HR: variants seen among roughly 807,000 people sequenced by gnomAD.
HR encodes the protein HR lysine demethylase and nuclear receptor corepressor.
Under a neutral mutation model 128.6 loss-of-function variants are expected in HR, and 83 were observed. The ratio of observed to expected loss-of-function variants is 0.65; its 90% CI spans 0.54 to 0.77. The LOEUF is 0.77. HR is among the 30% of genes least tolerant of loss of function. The pLI is 0.00. For missense variants in HR, 1,490 were observed against 1,574.6 expected (o/e 0.95, Z 0.91); for synonymous variants, 681 against 658.2 (o/e 1.03, Z -0.53).
Position 22,116,824 on chromosome 8 carries a change from C to T in HR, c.3378+51G>A, listed in dbSNP as rs767572294. ...TGGATGCCTGCGGCCTTGATTGGGT[C>T]GCTTCTGCCATCCTGATCTCCCCGC... is the stretch of plus-strand genomic sequence containing the variant. On this transcript the variant is annotated intron_variant, in intron 17 of 18. Transcript: ENST00000381418. This position sits in a 1 kb window ranked among gnomAD's most constrained non-coding sequence, Gnocchi z 4.2. 21 of 1,543,552 alleles carry T rather than the reference C, an allele frequency of 1.4e-5. 1 individual carries two copies. The Middle Eastern group carries it at 1.1e-3, about 84-fold the overall frequency.
intron 7 of HR, 34 bp downstream of exon 7, chr8:22,122,756 C>A (rs1345622167): frequency 1.3e-6 from 2 of 1,542,618 alleles, no homozygotes; most frequent in Non-Finnish European, 1.8e-6. Context: ...CAGGACCCAA[C>A]CTCTGCACGC....
In HR at chr8:22,116,771, GC is replaced by G; in HGVS notation, c.3378+103del. The G allele has an allele frequency of 1.4e-6, 2 of 1,449,176 alleles. No homozygotes were observed. The highest frequency in any genetic ancestry group is 2.5e-5 in the East Asian group (1 of 40,492). 89.8% of individuals were successfully genotyped at this position (1,449,176 alleles called of 1,614,324 possible). On this transcript the variant is annotated intron_variant, in intron 17 of 18. Coordinates refer to ENST00000381418, the MANE Select transcript of HR (RefSeq NM_005144.5). This position sits in a 1 kb window ranked among gnomAD's most constrained non-coding sequence, Gnocchi z 4.2. ...ACAGCAGCGTGCGGCTCCCTGCCCT[GC>G]CCGGCTCTTGGGTATTGAGGGGATG...
rs553393185 is a variant in HR at position 22,121,525 on chromosome 8, C to T, written c.2203+88G>A. 194 of 1,405,236 alleles carry T rather than the reference C, an allele frequency of 1.4e-4. No individual in the cohort carries two copies. The African/African-American group carries it at 2.5e-3, about 18-fold the overall frequency. The allele number at this position is 1,405,236 out of a possible 1,614,324, so 87.0% of individuals were successfully genotyped here. ...GGTGGGGGGGAGTTGCTAAAGTCCC[C>T]GGAGACTTCCGCGACTGTCCCCTCC... On this transcript the variant is annotated intron_variant, in intron 9 of 18. Coordinates refer to ENST00000381418, the MANE Select transcript of HR (RefSeq NM_005144.5).
chr8:22,121,798 C>G, intron 8 of HR, 104 bp from the exon 9 acceptor site: 2 of 1,212,840 alleles, frequency 1.6e-6, no homozygotes, highest in South Asian at 2.5e-5. Context: ...CTTGTCAGTC[C>G]TAAAATCGTG....
intron 6 of HR, 32 bp downstream of exon 6, chr8:22,123,617 T>TACC: frequency 4.8e-4 from 141 of 292,092 alleles, no homozygotes; most frequent in South Asian, 1.0e-3. Context: ...GAGGGCTCCA[T>TACC]CCCGCCCTCC....
intron 2 of HR, chr8:22,128,076 C>T: frequency 1.7e-6 from 1 of 602,182 alleles, no homozygotes; most frequent in South Asian, 1.9e-5. Context: ...ATGCCTGGCA[C>T]AGCCAAAGGG....
intron 3 of HR, 65 bp downstream of exon 3, chr8:22,126,972 T>C: frequency 2.0e-6 from 3 of 1,500,602 alleles, no homozygotes; most frequent in Non-Finnish European, 1.8e-6. Context: ...CCCCGCCCCA[T>C]GCGAAGCCCC....
At position 22,127,547 on chromosome 8, in the gene HR, C is replaced by T. The variant is rs747380523; in HGVS notation, c.895G>A (p.Asp299Asn). 1.6e-5 allele frequency: 26 copies of T among 1,613,074 alleles called. No homozygotes were observed. The highest frequency in any genetic ancestry group is 1.6e-4 in the Middle Eastern group (1 of 6,062). The change falls in exon 3 of 19, where the codon GAT becomes AAT. Residue 299 changes from aspartate to asparagine, a missense_variant. Asp to Asn is a conservative substitution (Grantham distance 23, BLOSUM62 1). Coordinates refer to ENST00000381418, the MANE Select transcript of HR (RefSeq NM_005144.5). ...CCCAGCTGGTACCCAAGGTTCCCAT[C>T]GCCTGGCCCAGCCCAGACGTTGCCA... Reference protein sequence around the residue: ...TLGNVWAGPGDGNLGYQLGPP... With the variant: ...TLGNVWAGPGNGNLGYQLGPP...
At position 22,127,277 on chromosome 8, in the gene HR, C is replaced by T; in HGVS notation, c.1165G>A (p.Glu389Lys). ...CAGCCGCGTGGACATTCAAACTGCT[C>T]CGAGTGCCGTGTGAGCCATGTCTTC... The part of the protein sequence containing the change: ...LKKTWLTRHS[E>K]QFECPRGCPE... Residue 389 changes from glutamate to lysine, a missense_variant, in exon 3 of 19, where the codon GAG becomes AAG. This residue lies in a region of HR where 1,060 missense variants were observed against 1,060.9 expected (regional missense o/e 1.00). Coordinates refer to ENST00000381418, the MANE Select transcript of HR (RefSeq NM_005144.5). The T allele has an allele frequency of 2.5e-6, 4 of 1,613,258 alleles. No individual in the cohort carries two copies. Among genetic ancestry groups the T allele is most frequent in the Admixed American group, 1.7e-5 (1 of 60,022 alleles).
In HR at chr8:22,125,604, A is replaced by C; in HGVS notation, c.1534T>G (p.Cys512Gly). ...QAAGEGGGHA[C>G]HSQQVRRSPL... ...CACCTCCGCACTTGCTGAGAGTGGC[A>C]GGCGTGCCCTCCTCCCTCTCCAGCT... The change falls in exon 4 of 19, where the codon TGC (cysteine) becomes GGC (glycine). Residue 512 changes from cysteine (C) to glycine (G), a missense_variant. By Grantham distance (159) the Cys-to-Gly change is radical (BLOSUM62 -3). Around this residue, in one of 3 missense-constraint regions of HR, gnomAD observed 1,060 missense variants for 1,060.9 expected, o/e 1.00. Coordinates refer to ENST00000381418, the MANE Select transcript of HR (RefSeq NM_005144.5). The C allele has an allele frequency of 6.2e-7, 1 of 1,609,590 alleles. No homozygotes were observed. The highest frequency in any genetic ancestry group is 1.1e-5 in the South Asian group (1 of 90,332).
Position 22,127,395 on chromosome 8 carries a change from C to G in HR, c.1047G>C (p.Glu349Asp), listed in dbSNP as rs1450710110. 1 of 1,613,336 alleles carries G rather than the reference C, an allele frequency of 6.2e-7. No homozygotes were observed. Among genetic ancestry groups the G allele is most frequent in the Non-Finnish European group, 8.5e-7 (1 of 1,179,960 alleles). Residue 349 changes from glutamate (E) to aspartate (D), a missense_variant, in exon 3 of 19, where the codon GAG becomes GAC. By Grantham distance (45) the Glu-to-Asp change is conservative. Around this residue, in one of 3 missense-constraint regions of HR, gnomAD observed 1,060 missense variants for 1,060.9 expected, o/e 1.00. Transcript: ENST00000381418. ...GTTCGCTGGCTCCACTGGCACCCCC[C>G]TCCAGGCCCTCCTGGCACTTCCCAC... ...GPCGKCQEGL[E>D]GGASGASEPS...
At chr8:22,120,591 A>G (rs188408063) in intron 11 of HR, 84 bp from the exon 12 acceptor site, 2 of 1,596,004 alleles carry the variant, frequency 1.3e-6, no homozygotes, top group African/African-American at 1.3e-5. Context: ...TAAGGGCAGT[A>G]GAACAGCTCG....
chr8:22,115,813 C>T (rs760508193), intron 18 of HR, 51 bp from the exon 19 acceptor site: 1 of 1,536,018 alleles, frequency 6.5e-7, no homozygotes, highest in Non-Finnish European at 9.0e-7. Flanking sequence ...CCTGGGCCCA[C>T]CCGCTGTCCC....
intron 6 of HR, 123 bp from the exon 7 acceptor site, chr8:22,123,002 T>G: frequency 1.1e-6 from 1 of 912,168 alleles, no homozygotes; most frequent in Non-Finnish European, 1.7e-6. Flanking sequence ...ACTCGTGCTT[T>G]CTGGGAAACC....
intron 5 of HR, 78 bp downstream of exon 5, chr8:22,125,233 G>A: frequency 6.9e-7 from 1 of 1,447,780 alleles, no homozygotes; most frequent in Non-Finnish European, 9.4e-7. Context: ...GGAGCTGGCA[G>A]TGTGGGTGGG....
At chr8:22,123,616 ATCCCG>A in intron 6 of HR, 28 bp downstream of exon 6, 10 of 562,336 alleles carry the variant, frequency 1.8e-5, no homozygotes, top group South Asian at 8.9e-5. Context: ...TGAGGGCTCC[ATCCCG>A]CCCTCCCACC....
intron 5 of HR, among the ~76,000 whole-genome samples, chr8:22,124,242 T>C (rs573581501): frequency 6.6e-6 from 1 of 152,330 alleles, no homozygotes; most frequent in East Asian, 1.9e-4. Context: ...TTGTTGTCGT[T>C]GTTTTGAGAT....
chr8:22,121,080 A>C lies in HR; in HGVS notation c.2352T>G (p.Thr784=). The C allele has an allele frequency of 1.2e-6, 2 of 1,613,624 alleles. No individual in the cohort carries two copies. The highest frequency in any genetic ancestry group is 1.7e-6 in the Non-Finnish European group (2 of 1,180,024). The change falls in exon 10 of 19, where the codon ACT becomes ACG. Residue 784 remains threonine, a synonymous_variant. Coordinates refer to ENST00000381418, the MANE Select transcript of HR (RefSeq NM_005144.5). ...CCTCACTCACACTGGGCAGGGCCGG[A>C]GTGACGGGGGCGAAGGCCATGTGTA... ...ERIHMAFAPV[T]PALPSDDRIT...
In HR at chr8:22,121,138, G is replaced by T; in HGVS notation, c.2294C>A (p.Thr765Asn). 1 of 1,613,924 alleles carries T rather than the reference G, an allele frequency of 6.2e-7. No homozygotes were observed. Among genetic ancestry groups the T allele is most frequent in the Non-Finnish European group, 8.5e-7 (1 of 1,180,026 alleles). ...ATGGCCCAAGCAGAGTTTGACCGCG[G>T]TAGAAGCCAGCAGTTCGCAGAGAGA... Reference protein sequence around the residue: ...CPSLCELLASTAVKLCLGHER... With the variant: ...CPSLCELLASNAVKLCLGHER... The change falls in exon 10 of 19, where the codon ACC (threonine) becomes AAC (asparagine). Residue 765 changes from threonine to asparagine, a missense_variant. Physicochemically the swap from Thr to Asn is moderately conservative, Grantham distance 65. This residue lies in a region of HR where 1,060 missense variants were observed against 1,060.9 expected (regional missense o/e 1.00). Coordinates refer to ENST00000381418, the MANE Select transcript of HR (RefSeq NM_005144.5).
Sources: gnomAD v4.1 joint callset for allele counts (sites outside exome capture counted in the v4.1 genomes callset) on GRCh38, gnomAD v4.1.1 for gene constraint, gnomAD v4.1.1 regional missense constraint, Gnocchi (gnomAD v3.1) non-coding constraint, MANE v1.5 for transcripts, NCBI Gene and HGNC (gene_info 2026-07-23, HGNC 2026-07-21) for gene names.